ZNF148: variants seen among roughly 807,000 people sequenced by gnomAD.
ZNF148 encodes zinc finger protein 148, also known as Beta-Enolase Repressor Factor-1.
In ZNF148, 7 loss-of-function variants were observed where a neutral mutation model predicts 67.7. The observed-to-expected ratio is 0.10, with a 90% CI of 0.06 to 0.19. The LOEUF (loss-of-function observed/expected upper bound fraction) is 0.19. Ranked by LOEUF, ZNF148 falls within the 10% of genes least tolerant of loss-of-function variation. ZNF148 has a pLI of 1.00. For missense variants in ZNF148, 583 were observed against 947.1 expected (o/e 0.62, Z 5.05); for synonymous variants, 333 against 330.7 (o/e 1.01, Z -0.08).
intron 7 of ZNF148, among the ~76,000 whole-genome samples, chr3:125,276,288 A>G (rs1938058927): frequency 6.6e-6 from 1 of 152,196 alleles, no homozygotes; most frequent in African/African-American, 2.4e-5. Flanking sequence ...AGTGCCTAGT[A>G]TAGCCCCTTC....
At chr3:125,243,723 G>C (rs754460524) in intron 7 of ZNF148, among the ~76,000 whole-genome samples, 11 of 152,056 alleles carry the variant, frequency 7.2e-5, no homozygotes, top group Non-Finnish European at 1.3e-4. Flanking sequence ...ACAGGGTCTT[G>C]TTACGGTGTC....
At chr3:125,282,161 T>C (rs1938424350) in intron 5 of ZNF148, among the ~76,000 whole-genome samples, 1 of 152,136 alleles carries the variant, frequency 6.6e-6, no homozygotes, top group Non-Finnish European at 1.5e-5. Flanking sequence ...AGGCAAAGAA[T>C]AAAATCCCTT....
At chr3:125,299,426 A>C (rs984965954) in intron 4 of ZNF148, among the ~76,000 whole-genome samples, 5 of 152,206 alleles carry the variant, frequency 3.3e-5, no homozygotes, top group Non-Finnish European at 5.9e-5. Flanking sequence ...ACACTTTGAG[A>C]GGCTGAGGCA....
intron 7 of ZNF148, among the ~76,000 whole-genome samples, chr3:125,234,626 T>C (rs1448567422): frequency 6.6e-6 from 1 of 152,174 alleles, no homozygotes; most frequent in African/African-American, 2.4e-5. Context: ...CTAGCTGATG[T>C]TTCTAATCTT....
chr3:125,249,415 A>G (rs978279063), intron 7 of ZNF148, among the ~76,000 whole-genome samples: 1 of 152,226 alleles, frequency 6.6e-6, no homozygotes, highest in Admixed American at 6.5e-5. Flanking sequence ...CAGGCATATA[A>G]AAATGTACTC....
chr3:125,341,414 G>A (rs1267584921), intron 1 of ZNF148, among the ~76,000 whole-genome samples: 1 of 151,516 alleles, frequency 6.6e-6, no homozygotes, highest in Non-Finnish European at 1.5e-5. Flanking sequence ...TGCTCAGGAG[G>A]GTAAGACCAG....
chr3:125,323,448 C>A lies in ZNF148; in HGVS notation c.-152-4G>T. ...AATCACTTATGCCATCCGATTCCTA[C>A]AATAAAACACACACACAACAAACAT... On this transcript the variant is annotated splice_polypyrimidine_tract_variant and splice_region_variant and intron_variant, in intron 2 of 8. Coordinates refer to ENST00000360647, the MANE Select transcript of ZNF148 (RefSeq NM_021964.3). 1.5e-6 allele frequency: 1 copy of A among 675,344 alleles called. No homozygotes were observed. Among genetic ancestry groups the A allele is most frequent in the Non-Finnish European group, 2.7e-6 (1 of 376,734 alleles). The allele number at this position is 675,344 out of a possible 1,614,324, so 41.8% of individuals were successfully genotyped here. A position where few individuals can be genotyped will look rare whatever the true frequency, so the allele number is the denominator to read the frequency against.
At chr3:125,275,681 A>G (rs1392101483) in intron 7 of ZNF148, among the ~76,000 whole-genome samples, 1 of 152,252 alleles carries the variant, frequency 6.6e-6, no homozygotes, top group Non-Finnish European at 1.5e-5. Context: ...CTAAACAAAC[A>G]TTAACAACCC....
intron 1 of ZNF148, among the ~76,000 whole-genome samples, chr3:125,356,486 G>A (rs1942346800): frequency 6.6e-6 from 1 of 152,152 alleles, no homozygotes; most frequent in Non-Finnish European, 1.5e-5. Flanking sequence ...AAGGACAACT[G>A]CAAATATATT....
chr3:125,227,706 CTA>C lies in ZNF148; in HGVS notation c.*4633_*4634del, dbSNP rs1375333758. 6.5e-6 allele frequency: 1 copy of C among 152,696 alleles called. No individual in the cohort carries two copies. The highest frequency in any genetic ancestry group is 2.4e-5 in the African/African-American group (1 of 41,558). 9.5% of individuals were successfully genotyped at this position (152,696 alleles called of 1,614,324 possible). ...CCCCCATATTGTTGCAAAATTCTTT[CTA>C]CTGAAATGCTTTGCTACAATAATAA... On this transcript the variant is annotated 3_prime_UTR_variant, in exon 9 of 9. Coordinates refer to ENST00000360647, the MANE Select transcript of ZNF148 (RefSeq NM_021964.3).
chr3:125,362,701 C>G (rs1029313703), intron 1 of ZNF148, among the ~76,000 whole-genome samples: 10 of 151,808 alleles, frequency 6.6e-5, no homozygotes, highest in African/African-American at 2.2e-4. Flanking sequence ...ACTACAAGTG[C>G]GCGCCACCAC....
chr3:125,334,754 T>C (rs752565964), intron 1 of ZNF148, among the ~76,000 whole-genome samples: 7 of 152,160 alleles, frequency 4.6e-5, no homozygotes, highest in Non-Finnish European at 8.8e-5. Flanking sequence ...CTACAAGGCC[T>C]TACATGCACT....
At chr3:125,290,199 T>C (rs1019244717) in intron 4 of ZNF148, among the ~76,000 whole-genome samples, 1 of 152,182 alleles carries the variant, frequency 6.6e-6, no homozygotes, top group Non-Finnish European at 1.5e-5. Context: ...TGATTTCCTT[T>C]TCATATCTCC....
At chr3:125,242,474 T>G (rs1936410271) in intron 7 of ZNF148, among the ~76,000 whole-genome samples, 1 of 151,990 alleles carries the variant, frequency 6.6e-6, no homozygotes, top group South Asian at 2.1e-4. Context: ...AATACAAAAC[T>G]TAGCCAAGCG....
At position 125,265,988 on chromosome 3, in the gene ZNF148, A is replaced by G. The variant is rs1937521631; in HGVS notation, c.667+11738T>C. Among the ~76,000 whole-genome samples the G allele has an allele frequency of 3.3e-5, 5 of 152,316 alleles. 2 individuals carry two copies. In the South Asian group the frequency reaches 1.0e-3, roughly 32 times the overall value. On this transcript the variant is annotated intron_variant, in intron 7 of 8. Coordinates refer to ENST00000360647, the MANE Select transcript of ZNF148 (RefSeq NM_021964.3). Reference sequence around the variant, plus strand: ...AAAAGACAAAGAAGGTCATTTTATAATGATAAAGGGTTCAATTCAACAAGA... The same window carrying G: ...AAAAGACAAAGAAGGTCATTTTATAGTGATAAAGGGTTCAATTCAACAAGA...
chr3:125,373,882 G>T (rs1001043952), intron 1 of ZNF148, among the ~76,000 whole-genome samples: 1 of 152,064 alleles, frequency 6.6e-6, no homozygotes, highest in Non-Finnish European at 1.5e-5. Context: ...TCTTCCCCCC[G>T]ACCATTAATT....
intron 4 of ZNF148, among the ~76,000 whole-genome samples, chr3:125,299,861 C>G (rs1472503872): frequency 6.6e-6 from 1 of 152,216 alleles, no homozygotes; most frequent in Admixed American, 6.5e-5. Flanking sequence ...TGTGAAAAAA[C>G]TAGAGTTGAA....
At chr3:125,303,395 C>A (rs1312832459) in intron 4 of ZNF148, among the ~76,000 whole-genome samples, 1 of 152,206 alleles carries the variant, frequency 6.6e-6, no homozygotes. Context: ...GGCTGCACAT[C>A]AGGAGGTGAG....
intron 7 of ZNF148, among the ~76,000 whole-genome samples, chr3:125,254,270 G>A (rs1021741112): frequency 1.3e-5 from 2 of 152,118 alleles, no homozygotes; most frequent in African/African-American, 2.4e-5. Flanking sequence ...ATAGTGGGCT[G>A]AGGTTTGCTT....
Sources: allele counts gnomAD v4.1 joint callset (sites outside exome capture counted in the v4.1 genomes callset), GRCh38; gene constraint gnomAD v4.1.1; transcripts MANE v1.5; gene names NCBI Gene and HGNC (gene_info 2026-07-23, HGNC 2026-07-21).